The following AMZ2 variants were observed in gnomAD, a reference collection of about 807,000 sequenced individuals.
AMZ2 encodes archaelysin family metallopeptidase 2.
Under a neutral mutation model 36.7 loss-of-function variants are expected in AMZ2, and 26 were observed. The ratio of observed to expected loss-of-function variants is 0.71; its 90% confidence interval spans 0.52 to 0.98. The LOEUF (loss-of-function observed/expected upper bound fraction) is 0.98, where lower values mean the gene tolerates loss of function less well. AMZ2 is among the 50% of genes least tolerant of loss of function. The probability of loss-of-function intolerance (pLI) is 0.00; values close to 1 mark genes in which losing one functional copy is unlikely to be tolerated. For synonymous variants in AMZ2, 144 were observed against 149.1 expected, an observed-to-expected ratio of 0.97 and a Z score of 0.25; for missense variants, 394 against 430.5, an observed-to-expected ratio of 0.92 and a Z score of 0.75.
At chr17:68,236,955 G>A (rs1346955748) in intron 1 of AMZ2, among the ~76,000 whole-genome samples, 5 of 152,070 alleles carry the variant, frequency 3.3e-5, no homozygotes, top group Admixed American at 1.3e-4. Context: ...CACTGCTTGG[G>A]ACTTTTTAAA....
upstream of AMZ2, among the ~76,000 whole-genome samples, chr17:68,245,436 G>A (rs4968858): frequency 0.13 from 18,824 of 149,292 alleles, 1,515 homozygotes; most frequent in East Asian, 0.3. Flanking sequence ...TTTTAGAGAT[G>A]GGGTCTCCCT....
chr17:68,213,939 T>C (rs1310555882), intron 1 of AMZ2, among the ~76,000 whole-genome samples: 5 of 152,004 alleles, frequency 3.3e-5, no homozygotes, highest in African/African-American at 7.2e-5. Context: ...AGAGCTCTTT[T>C]GTTTTTAGAA....
chr17:68,248,973 C>G (rs1458045556), intron 1 of AMZ2: 2 of 807,290 alleles, frequency 2.5e-6, no homozygotes, highest in Non-Finnish European at 3.2e-6. Context: ...AAAGATGATC[C>G]AGACAGAGAT....
upstream of AMZ2, chr17:68,247,545 T>A: frequency 1.2e-6 from 1 of 840,600 alleles, no homozygotes; most frequent in Non-Finnish European, 1.4e-6. Flanking sequence ...CACTTGCGCT[T>A]CTGGGTTCCA....
At chr17:68,208,290 G>C (rs1236167524) in intron 1 of AMZ2, among the ~76,000 whole-genome samples, 11 of 152,336 alleles carry the variant, frequency 7.2e-5, no homozygotes, top group African/African-American at 2.6e-4. Context: ...CTCTGGTGGG[G>C]GACTTGAAGA....
chr17:68,230,963 T>G (rs1357956146), intron 1 of AMZ2, among the ~76,000 whole-genome samples: 55 of 152,328 alleles, frequency 3.6e-4, no homozygotes, highest in African/African-American at 1.3e-3. Context: ...TTTCAGAAAT[T>G]CATTTTCAGG....
At chr17:68,247,353 A>AG, upstream of AMZ2, 1 of 154,630 alleles carries the variant, frequency 6.5e-6, no homozygotes, top group African/African-American at 2.4e-5. Context: ...AAAAAAAAAA[A>AG]AAAAAAAGCA....
chr17:68,243,729 T>C (rs1322851277), upstream of AMZ2, among the ~76,000 whole-genome samples: 2 of 152,222 alleles, frequency 1.3e-5, no homozygotes, highest in African/African-American at 4.8e-5. Context: ...CAATCTACCA[T>C]CATTGGACAT....
intron 1 of AMZ2, chr17:68,248,962 C>G (rs1188287508): frequency 2.6e-6 from 2 of 765,568 alleles, no homozygotes; most frequent in African/African-American, 3.7e-5. Context: ...GAAAATATGA[C>G]AAAGATGATC....
At chr17:68,243,547 A>C (rs1414713854), upstream of AMZ2, among the ~76,000 whole-genome samples, 1 of 152,088 alleles carries the variant, frequency 6.6e-6, no homozygotes, top group Admixed American at 6.6e-5. Flanking sequence ...GGATACTTTG[A>C]TTGTTTCTAA....
intron 1 of AMZ2, among the ~76,000 whole-genome samples, chr17:68,212,717 C>A (rs2073099120): frequency 6.6e-6 from 1 of 152,060 alleles, no homozygotes; most frequent in Non-Finnish European, 1.5e-5. Context: ...TACAGGTGCA[C>A]ACCACCACAC....
At chr17:68,232,198 A>G (rs575335679) in intron 1 of AMZ2, among the ~76,000 whole-genome samples, 13 of 151,550 alleles carry the variant, frequency 8.6e-5, no homozygotes, top group East Asian at 2.0e-4. Flanking sequence ...GAACGTGCCA[A>G]TCAGAAAGGG....
intron 1 of AMZ2, among the ~76,000 whole-genome samples, chr17:68,232,928 AT>A (rs2073700216): frequency 6.6e-6 from 1 of 152,194 alleles, no homozygotes; most frequent in South Asian, 2.1e-4. Flanking sequence ...TATTGTGGAG[AT>A]GCACTTGCCA....
intron 1 of AMZ2, among the ~76,000 whole-genome samples, chr17:68,232,229 T>C (rs2094347753): frequency 6.6e-6 from 1 of 151,742 alleles, no homozygotes; most frequent in South Asian, 2.1e-4. Flanking sequence ...GGACGTGATG[T>C]CTCACGTCTA....
upstream of AMZ2, chr17:68,246,966 C>A (rs1351694230): frequency 6.6e-6 from 1 of 150,410 alleles, no homozygotes; most frequent in Non-Finnish European, 1.5e-5. Context: ...CTGTGGGAGA[C>A]CGGGGTGCGG....
chr17:68,239,482 T>C (rs1330116533), intron 1 of AMZ2, among the ~76,000 whole-genome samples: 1 of 152,208 alleles, frequency 6.6e-6, no homozygotes, highest in African/African-American at 2.4e-5. Flanking sequence ...GAGAACCTCT[T>C]AACCCTCTTA....
intron 1 of AMZ2, among the ~76,000 whole-genome samples, chr17:68,227,267 T>G (rs552612223): frequency 7.2e-4 from 110 of 152,212 alleles, no homozygotes; most frequent in African/African-American, 2.6e-3. Context: ...CTCTGGGAAG[T>G]GGGGATACTA....
In AMZ2 at chr17:68,251,137, A is replaced by G; in HGVS notation, c.545A>G (p.Asp182Gly). ...ACAATGATTGATCTTTACCCAAGAG[A>G]CTCGTGGAATTTTGTCTTTGGACAG... ...GITMIDLYPR[D>G]SWNFVFGQAS... Residue 182 changes from aspartate to glycine, a missense_variant, in exon 4 of 7, where the codon GAC (aspartate) becomes GGC (glycine). Transcript: ENST00000359904. 6.2e-7 allele frequency: 1 copy of G among 1,613,652 alleles called. No individual in the cohort carries two copies. The highest frequency in any genetic ancestry group is 8.5e-7 in the Non-Finnish European group (1 of 1,179,932).
intron 1 of AMZ2, among the ~76,000 whole-genome samples, chr17:68,210,066 G>C (rs1178711462): frequency 6.6e-6 from 1 of 152,146 alleles, no homozygotes; most frequent in Admixed American, 6.5e-5. Flanking sequence ...TGGGGAAATT[G>C]GAACCATTAT....
Sources: allele counts gnomAD v4.1 joint callset (sites outside exome capture counted in the v4.1 genomes callset), GRCh38; gene constraint gnomAD v4.1.1; transcripts MANE v1.5; gene names NCBI Gene and HGNC (gene_info 2026-07-23, HGNC 2026-07-21).